Variants in DNMBP observed in about 807,000 individuals in gnomAD.
DNMBP encodes the protein dynamin-binding protein.
In DNMBP, 87 loss-of-function variants were observed where a neutral mutation model predicts 150.0. The observed-to-expected ratio is 0.58, with a 90% CI of 0.49 to 0.69. The LOEUF (loss-of-function observed/expected upper bound fraction) is 0.69, where lower values mean the gene tolerates loss of function less well. DNMBP is among the 30% of genes least tolerant of loss of function. The probability of loss-of-function intolerance (pLI) is 0.00; values close to 1 mark genes in which losing one functional copy is unlikely to be tolerated. For missense variants in DNMBP, 1,774 were observed against 1,949.0 expected, an observed-to-expected ratio of 0.91 and a Z score of 1.69; for synonymous variants, 711 against 750.4, an observed-to-expected ratio of 0.95 and a Z score of 0.86.
At chr10:99,895,122 C>CTTTTT (rs373241582) in intron 10 of DNMBP, 72 bp from the exon 11 acceptor site, 135 of 510,092 alleles carry the variant, frequency 2.6e-4, no homozygotes, top group South Asian at 8.1e-4. Context: ...AAGTAGCTTG[C>CTTTTT]TTTTTTTTTT....
In DNMBP at chr10:99,956,779, T is replaced by A. The variant is rs1245146679; in HGVS notation, c.695A>T (p.Glu232Val). Residue 232 changes from glutamate to valine, a missense_variant, in exon 4 of 17, where the codon GAA becomes GTA. Glu to Val is a moderately radical substitution (Grantham distance 121, BLOSUM62 -2). Coordinates refer to ENST00000324109, the MANE Select transcript of DNMBP (RefSeq NM_015221.4). ...VNGEVDTPVG[E>V]EEIGPDEDEE... Reference sequence around the variant, plus strand: ...ATCCTCATCCGGCCCTATCTCTTCTTCTCCTACAGGGGTATCTACTTCACC... The same window carrying A: ...ATCCTCATCCGGCCCTATCTCTTCTACTCCTACAGGGGTATCTACTTCACC... The A allele has an allele frequency of 3.7e-6, 6 of 1,614,114 alleles. No homozygotes were observed. In the South Asian group the frequency reaches 6.6e-5, roughly 18 times the overall value.
At chr10:99,963,269 A>G (rs1160527688) in intron 3 of DNMBP, among the ~76,000 whole-genome samples, 2 of 150,934 alleles carry the variant, frequency 1.3e-5, no homozygotes, top group Non-Finnish European at 2.9e-5. Flanking sequence ...ATGGGGTCTC[A>G]TTTGTTGCCC....
intron 1 of DNMBP, among the ~76,000 whole-genome samples, chr10:99,988,754 T>G (rs1041030488): frequency 1.3e-5 from 2 of 152,092 alleles, no homozygotes; most frequent in Non-Finnish European, 2.9e-5. Flanking sequence ...CTCTGCCTCC[T>G]GGGTTCAAGT....
rs376918039 is a variant in DNMBP at position 99,972,011 on chromosome 10, A to T, written c.114T>A (p.Phe38Leu). Reference protein sequence around the residue: ...IIEVLAVVDEFWLLGKKEDVT... With the variant: ...IIEVLAVVDELWLLGKKEDVT... ...CATCCTCCTTCTTTCCTAGAAGCCA[A>T]AATTCATCCACCACTGCCAGCACCT... is the stretch of plus-strand genomic sequence containing the variant. Residue 38 changes from phenylalanine to leucine, a missense_variant, in exon 2 of 17, where the codon TTT becomes TTA. Phe to Leu is a conservative substitution (Grantham distance 22). Coordinates refer to ENST00000324109, the MANE Select transcript of DNMBP (RefSeq NM_015221.4). The T allele has an allele frequency of 1.0e-4, 165 of 1,613,700 alleles. No homozygotes were observed. Among genetic ancestry groups the T allele is most frequent in the Admixed American group, 2.3e-4 (14 of 59,938 alleles).
intron 3 of DNMBP, among the ~76,000 whole-genome samples, chr10:99,965,406 C>T (rs532280416): frequency 6.6e-6 from 1 of 152,140 alleles, no homozygotes; most frequent in East Asian, 1.9e-4. Flanking sequence ...TCTTATTAAT[C>T]CTAATGATAC....
At chr10:99,933,125 C>A (rs2133290264) in intron 4 of DNMBP, among the ~76,000 whole-genome samples, 1 of 151,370 alleles carries the variant, frequency 6.6e-6, no homozygotes, top group East Asian at 1.9e-4. Context: ...GAGACCCCAT[C>A]TCCACAATAA....
In DNMBP at chr10:99,885,672, C is replaced by T. The variant is rs1390996538; in HGVS notation, c.3798+15G>A. 1 of 1,551,784 alleles carries T rather than the reference C, an allele frequency of 6.4e-7. No homozygotes were observed. The highest frequency in any genetic ancestry group is 1.4e-5 in the African/African-American group (1 of 73,282). On this transcript the variant is annotated intron_variant, in intron 14 of 16. Coordinates refer to ENST00000324109, the MANE Select transcript of DNMBP (RefSeq NM_015221.4). ...TACCCCGAGGCGGGGCTGCTGCTCT[C>T]AGTTCCCTACTCACCAGGCCCAGGA...
chr10:99,896,531 A>G, intron 9 of DNMBP, 134 bp from the exon 10 acceptor site: 1 of 868,604 alleles, frequency 1.2e-6, no homozygotes, highest in Non-Finnish European at 1.9e-6. Context: ...AATCCAAATA[A>G]TGATTTATGG....
intron 1 of DNMBP, among the ~76,000 whole-genome samples, chr10:99,985,814 A>C (rs2040821752): frequency 6.6e-6 from 1 of 152,146 alleles, no homozygotes; most frequent in Non-Finnish European, 1.5e-5. Flanking sequence ...GCAGTGACGC[A>C]ATCTCAGCTC....
intron 15 of DNMBP, among the ~76,000 whole-genome samples, chr10:99,882,510 G>A (rs2039384378): frequency 1.3e-5 from 2 of 152,146 alleles, no homozygotes; most frequent in Admixed American, 6.6e-5. Flanking sequence ...CTTGAGCCTG[G>A]GAGGTGGAGG....
intron 1 of DNMBP, among the ~76,000 whole-genome samples, chr10:99,980,931 G>A (rs1489320782): frequency 6.6e-6 from 1 of 152,152 alleles, no homozygotes; most frequent in Admixed American, 6.6e-5. Context: ...CAGGGGGTAG[G>A]GGCGAGAAGA....
At chr10:99,946,150 G>C (rs1240958603) in intron 4 of DNMBP, among the ~76,000 whole-genome samples, 3 of 152,094 alleles carry the variant, frequency 2.0e-5, no homozygotes, top group African/African-American at 4.8e-5. Context: ...TAGAGACAGG[G>C]TTTCACCATG....
chr10:99,909,749 A>G (rs2039877797), intron 4 of DNMBP, among the ~76,000 whole-genome samples: 1 of 152,250 alleles, frequency 6.6e-6, no homozygotes, highest in African/African-American at 2.4e-5. Context: ...ACCTTAACCA[A>G]AACTCACAAG....
intron 1 of DNMBP, among the ~76,000 whole-genome samples, chr10:99,976,542 G>A (rs1442475563): frequency 3.9e-5 from 6 of 152,028 alleles, no homozygotes; most frequent in Non-Finnish European, 8.8e-5. Flanking sequence ...GCTATGGAGG[G>A]GAGACCACAC....
At chr10:99,931,342 G>A (rs933901027) in intron 4 of DNMBP, among the ~76,000 whole-genome samples, 4 of 152,080 alleles carry the variant, frequency 2.6e-5, no homozygotes, top group Non-Finnish European at 4.4e-5. Flanking sequence ...TTAGAGTCAG[G>A]ACTCTTCTGA....
intron 4 of DNMBP, among the ~76,000 whole-genome samples, chr10:99,933,544 A>G (rs1333316175): frequency 6.6e-6 from 1 of 152,228 alleles, no homozygotes; most frequent in Non-Finnish European, 1.5e-5. Context: ...GGAAAATAGC[A>G]TAATTCTACA....
intron 3 of DNMBP, among the ~76,000 whole-genome samples, chr10:99,959,844 G>T (rs2040543525): frequency 7.0e-6 from 1 of 142,148 alleles, no homozygotes; most frequent in Admixed American, 7.3e-5. Flanking sequence ...AACAGAGTGA[G>T]ACCGTGTCTC....
rs758940769 is a variant in DNMBP at position 99,956,468 on chromosome 10, C to T, written c.1006G>A (p.Glu336Lys). 2.5e-6 allele frequency: 4 copies of T among 1,613,942 alleles called. No individual in the cohort carries two copies. The highest frequency in any genetic ancestry group is 1.7e-5 in the Admixed American group (1 of 59,992). Reference sequence around the variant, plus strand: ...TGGTCACTGGTTTCATGTCTTTGTTCCTCTACTCCTAAGGTGTTCTCCAAA... The same window carrying T: ...TGGTCACTGGTTTCATGTCTTTGTTTCTCTACTCCTAAGGTGTTCTCCAAA... ...DCLENTLGVE[E>K]QRHETSDHEA... Residue 336 changes from glutamate (E) to lysine (K), a missense_variant, in exon 4 of 17, where the codon GAA becomes AAA. Around this residue, in one of 2 missense-constraint regions of DNMBP, gnomAD observed 344 missense variants for 456.6 expected, o/e 0.75. Coordinates refer to ENST00000324109, the MANE Select transcript of DNMBP (RefSeq NM_015221.4).
At chr10:99,930,674 AC>A (rs2040143847) in intron 4 of DNMBP, 2 of 701,968 alleles carry the variant, frequency 2.8e-6, no homozygotes, top group East Asian at 5.4e-5. Context: ...TTTTCCGTAC[AC>A]TCCCGTAGTC....
Sources: allele counts gnomAD v4.1 joint callset (sites outside exome capture counted in the v4.1 genomes callset), GRCh38; gene constraint gnomAD v4.1.1; regional missense constraint gnomAD v4.1.1; transcripts MANE v1.5; gene names NCBI Gene and HGNC (gene_info 2026-07-23, HGNC 2026-07-21).